CDH9: variants seen among roughly 807,000 people sequenced by gnomAD.
The protein encoded by CDH9 is cadherin 9.
Under a neutral mutation model 70.9 loss-of-function variants are expected in CDH9, and 28 were observed. That is an observed-to-expected ratio of 0.40 (90% CI 0.29 to 0.54). CDH9 has a LOEUF of 0.54. Among genes scored for constraint, CDH9 ranks in the 20% least tolerant of loss-of-function variants. The pLI is 0.59. For synonymous variants in CDH9, 409 were observed against 343.1 expected, an observed-to-expected ratio of 1.19 and a Z score of -2.12; for missense variants, 874 against 984.4, an observed-to-expected ratio of 0.89 and a Z score of 1.50.
intron 7 of CDH9, among the ~76,000 whole-genome samples, chr5:26,901,660 C>A (rs537173033): frequency 9.9e-5 from 15 of 151,774 alleles, no homozygotes; most frequent in Non-Finnish European, 2.1e-4. Flanking sequence ...TTGTCTATCT[C>A]TTCAGCTGTC....
chr5:26,890,106 T>A (rs1740631154), intron 8 of CDH9, 149 bp from the exon 9 acceptor site: 7 of 715,290 alleles, frequency 9.8e-6, no homozygotes, highest in Non-Finnish European at 1.7e-5. Flanking sequence ...TCTTACATGG[T>A]CCAAAAGAAA....
intron 2 of CDH9, among the ~76,000 whole-genome samples, chr5:26,937,453 C>G (rs1741578812): frequency 6.6e-6 from 1 of 152,072 alleles, no homozygotes; most frequent in Non-Finnish European, 1.5e-5. Context: ...CTTTGGTGGA[C>G]AGTTTGTGAG....
At chr5:26,937,343 T>G (rs745986596) in intron 2 of CDH9, among the ~76,000 whole-genome samples, 2 of 152,114 alleles carry the variant, frequency 1.3e-5, no homozygotes, top group Non-Finnish European at 2.9e-5. Flanking sequence ...TCAGAATGCA[T>G]AAAGTCCAAA....
chr5:27,008,393 G>A lies in CDH9; in HGVS notation c.-49-20011C>T, dbSNP rs114480625. ...TAATACCAGCTACTTGAGAGGCTAA[G>A]TCATGATAATCACTTGAACAGGTGA... On this transcript the variant is annotated intron_variant, in intron 1 of 11. Coordinates refer to ENST00000231021, the MANE Select transcript of CDH9 (RefSeq NM_016279.4). 8.9e-3 allele frequency among the ~76,000 whole-genome samples: 1,357 copies of A among 151,948 alleles called. 27 individuals carry two copies. Among genetic ancestry groups the A allele is most frequent in the African/African-American group, 0.031 (1,281 of 41,424 alleles).
chr5:26,911,996 G>T (rs1473649452), intron 3 of CDH9, among the ~76,000 whole-genome samples: 2 of 151,742 alleles, frequency 1.3e-5, no homozygotes, highest in African/African-American at 4.8e-5. Context: ...AAAAATGAAT[G>T]GAAATAAGGG....
intron 1 of CDH9, among the ~76,000 whole-genome samples, chr5:27,033,224 T>C (rs1317409626): frequency 4.0e-5 from 6 of 151,386 alleles, no homozygotes; most frequent in Non-Finnish European, 8.9e-5. Flanking sequence ...TAATATCTAA[T>C]ATTGACTAAT....
At chr5:26,924,547 G>A (rs1183847837) in intron 2 of CDH9, among the ~76,000 whole-genome samples, 1 of 147,232 alleles carries the variant, frequency 6.8e-6, no homozygotes, top group African/African-American at 2.5e-5. Flanking sequence ...TATAAAATAA[G>A]TATTTTATAT....
At chr5:26,939,499 T>C (rs1579463767) in intron 2 of CDH9, among the ~76,000 whole-genome samples, 1 of 151,648 alleles carries the variant, frequency 6.6e-6, no homozygotes. Flanking sequence ...TTAATAAATA[T>C]ATATATATTC....
At chr5:26,932,250 T>C (rs1028054165) in intron 2 of CDH9, among the ~76,000 whole-genome samples, 2 of 152,000 alleles carry the variant, frequency 1.3e-5, no homozygotes, top group Non-Finnish European at 2.9e-5. Context: ...TCAAAAATAC[T>C]AGAAGGCAGA....
At chr5:26,925,656 T>C (rs1475973845) in intron 2 of CDH9, among the ~76,000 whole-genome samples, 1 of 152,152 alleles carries the variant, frequency 6.6e-6, no homozygotes, top group Non-Finnish European at 1.5e-5. Flanking sequence ...TTGCCTAGGT[T>C]TTCTTCCAGG....
At chr5:26,968,478 G>A (rs923849201) in intron 2 of CDH9, among the ~76,000 whole-genome samples, 1 of 151,968 alleles carries the variant, frequency 6.6e-6, no homozygotes, top group African/African-American at 2.4e-5. Context: ...TAGAGATGGT[G>A]TTTCATCATG....
chr5:26,949,302 G>T lies in CDH9; in HGVS notation c.229-33378C>A, dbSNP rs373606127. ...AGGGGCACTGATAGGTGTTAGTAAG[G>T]TGGCCCTTATTACCAGATTTGTGGG... On this transcript the variant is annotated intron_variant, in intron 2 of 11. Coordinates refer to ENST00000231021, the MANE Select transcript of CDH9 (RefSeq NM_016279.4). 1.1e-4 allele frequency among the ~76,000 whole-genome samples: 17 copies of T among 152,224 alleles called. No homozygotes were observed. In the East Asian group the frequency reaches 1.5e-3, roughly 14 times the overall value.
rs912286915 is a variant in CDH9, at chr5:26,958,126, T to C, written c.228+29980A>G. ...AAACAACAACAGCAACAAAGAATAC[T>C]TGAGTGAGGAATGGAAGAGTCTTTA... On this transcript the variant is annotated intron_variant, in intron 2 of 11. Transcript: ENST00000231021. Among the ~76,000 whole-genome samples the C allele has an allele frequency of 3.9e-4, 59 of 152,178 alleles. 1 individual carries two copies. In the South Asian group the frequency reaches 4.4e-3, roughly 11 times the overall value.
At chr5:27,007,796 T>C (rs1242473509) in intron 1 of CDH9, among the ~76,000 whole-genome samples, 1 of 152,138 alleles carries the variant, frequency 6.6e-6, no homozygotes, top group Non-Finnish European at 1.5e-5. Context: ...TAGTATAATA[T>C]TTGTTTTCTA....
intron 1 of CDH9, among the ~76,000 whole-genome samples, chr5:27,028,902 A>G (rs1743265109): frequency 6.6e-6 from 1 of 152,024 alleles, no homozygotes. Context: ...CTTACTTGAC[A>G]AAATTATATT....
chr5:26,941,679 G>A (rs1304186317), intron 2 of CDH9, among the ~76,000 whole-genome samples: 1 of 152,232 alleles, frequency 6.6e-6, no homozygotes, highest in Non-Finnish European at 1.5e-5. Flanking sequence ...AGCAGGTAAT[G>A]TTGTGTGCTT....
chr5:26,980,195 G>A (rs1344872895), intron 2 of CDH9, among the ~76,000 whole-genome samples: 2 of 151,712 alleles, frequency 1.3e-5, no homozygotes, highest in African/African-American at 4.8e-5. Flanking sequence ...TGAGGAAGTT[G>A]GAAGTTTCAC....
intron 2 of CDH9, among the ~76,000 whole-genome samples, chr5:26,947,831 T>G (rs182599796): frequency 1.5e-3 from 233 of 152,280 alleles, no homozygotes; most frequent in African/African-American, 4.2e-3. Flanking sequence ...TCCATCACTG[T>G]GTGGCACAAA....
intron 2 of CDH9, among the ~76,000 whole-genome samples, chr5:26,939,347 G>A (rs902095073): frequency 1.6e-4 from 25 of 151,594 alleles, no homozygotes; most frequent in African/African-American, 4.8e-4. Context: ...ATTGAAAACC[G>A]TATTCAGAAG....
Sources: allele counts gnomAD v4.1 joint callset (sites outside exome capture counted in the v4.1 genomes callset), GRCh38; gene constraint gnomAD v4.1.1; transcripts MANE v1.5; gene names NCBI Gene and HGNC (gene_info 2026-07-23, HGNC 2026-07-21).